The following ZNF628 variants were observed in gnomAD, a reference collection of about 807,000 sequenced individuals.
ZNF628 encodes zinc finger protein 628.
A neutral mutation model predicts 2.5 loss-of-function variants in ZNF628; 3 were observed. The observed-to-expected ratio is 1.19, with a 90% CI of 0.54 to 3.07. ZNF628 has a LOEUF of 3.07. ZNF628 is among the 30% of genes most tolerant of loss of function. ZNF628 has a pLI of 0.03. For missense variants in ZNF628, 1,610 were observed against 1,517.1 expected, an observed-to-expected ratio of 1.06 and a Z score of -1.02; for synonymous variants, 861 against 717.1, an observed-to-expected ratio of 1.20 and a Z score of -3.21.
chr19:55,477,292 C>G (rs2123406491), intron 1 of ZNF628, among the ~76,000 whole-genome samples: 2 of 151,718 alleles, frequency 1.3e-5, no homozygotes, highest in South Asian at 4.2e-4. Context: ...ACGGATATCT[C>G]TTTTAAGGAG....
rs1228787840 is a variant in ZNF628, at chr19:55,481,697, C to T, written c.504C>T (p.His168=). 1 of 1,612,458 alleles carries T rather than the reference C, an allele frequency of 6.2e-7. No homozygotes were observed. The highest frequency in any genetic ancestry group is 8.5e-7 in the Non-Finnish European group (1 of 1,179,464). The change falls in exon 3 of 3, where the codon CAC becomes CAT. Residue 168 remains histidine (H), a synonymous_variant. Transcript: ENST00000598519. ...CGTCCAGCCTGCGGCGCCACCGCCA[C>T]GTGCACACCGGCGAGCGGCCCTACA... is the stretch of plus-strand genomic sequence containing the variant. The part of the protein sequence containing the change: ...KNSSSLRRHR[H]VHTGERPYTC...
At position 55,482,395 on chromosome 19, in the gene ZNF628, T is replaced by G; in HGVS notation, c.1202T>G (p.Leu401Arg). The change falls in exon 3 of 3, where the codon CTC becomes CGC. Residue 401 changes from leucine (L) to arginine (R), a missense_variant. By Grantham distance (102) the Leu-to-Arg change is moderately radical. Coordinates refer to ENST00000598519, the MANE Select transcript of ZNF628 (RefSeq NM_033113.3). The stretch of plus-strand genomic sequence containing the variant: ...GGCTCCTTCCCGCAGCTGGCCAGCC[T>G]CCTGGCGCATCAGCAGTGCCACGTG... ...CDGSFPQLAS[L>R]LAHQQCHVEE... 7.1e-7 allele frequency: 1 copy of G among 1,407,998 alleles called. No individual in the cohort carries two copies. The highest frequency in any genetic ancestry group is 9.2e-7 in the Non-Finnish European group (1 of 1,084,444). 87.2% of individuals were successfully genotyped at this position (1,407,998 alleles called of 1,614,324 possible).
In ZNF628 at chr19:55,481,601, G is replaced by T. The variant is rs1285814078; in HGVS notation, c.408G>T (p.Gln136His). The T allele has an allele frequency of 8.7e-6, 14 of 1,609,232 alleles. No individual in the cohort carries two copies. The highest frequency in any genetic ancestry group is 1.2e-5 in the Non-Finnish European group (14 of 1,177,280). ...GLAFKWSSHY[Q>H]YHLRQHTGER... is the part of the protein sequence containing the mutation. ...CCTTCAAGTGGTCGTCCCACTACCA[G>T]TACCACTTAAGGCAGCACACAGGCG... The change falls in exon 3 of 3, where the codon CAG (glutamine) becomes CAT (histidine). Residue 136 changes from glutamine (Q) to histidine (H), a missense_variant. Coordinates refer to ENST00000598519, the MANE Select transcript of ZNF628 (RefSeq NM_033113.3).
In ZNF628 at chr19:55,484,124, C is replaced by A. The variant is rs1986841440; in HGVS notation, c.2931C>A (p.Ile977=). The change falls in exon 3 of 3, where the codon ATC becomes ATA. Residue 977 remains isoleucine (I), a synonymous_variant. Coordinates refer to ENST00000598519, the MANE Select transcript of ZNF628 (RefSeq NM_033113.3). The part of the protein sequence containing the change: ...TGPPGQKLLI[I]RSAPATELLD... ...CACCCGGACAGAAACTCCTCATCAT[C>A]CGCAGCGCCCCAGCCACTGAGCTGC... 6.3e-7 allele frequency: 1 copy of A among 1,588,716 alleles called. No individual in the cohort carries two copies. Among genetic ancestry groups the A allele is most frequent in the South Asian group, 1.2e-5 (1 of 86,944 alleles).
Position 55,483,457 on chromosome 19 carries a change from G to A in ZNF628, c.2264G>A (p.Gly755Asp). The change falls in exon 3 of 3, where the codon GGC (glycine) becomes GAC (aspartate). Residue 755 changes from glycine (G) to aspartate (D), a missense_variant. Transcript: ENST00000598519. The stretch of plus-strand genomic sequence containing the variant: ...TCCTCCAGTGCTGGGGCTGGGGGCG[G>A]CCGTGCAAGGCAGGGCCCGCGGGCA... ...LPSSSAGAGGGRARQGPRAVG... is the reference protein window; with the variant it reads ...LPSSSAGAGGDRARQGPRAVG... 6.6e-7 allele frequency: 1 copy of A among 1,509,094 alleles called. No homozygotes were observed. Among genetic ancestry groups the A allele is most frequent in the Non-Finnish European group, 8.8e-7 (1 of 1,131,714 alleles). 93.5% of individuals were successfully genotyped at this position (1,509,094 alleles called of 1,614,324 possible). A position where few individuals can be genotyped will look rare whatever the true frequency, so the allele number is the denominator to read the frequency against.
rs758382021 is a variant in ZNF628, at chr19:55,482,591, C to G, written c.1398C>G (p.Ser466=). The G allele has an allele frequency of 3.8e-5, 61 of 1,603,232 alleles. No homozygotes were observed. Among genetic ancestry groups the G allele is most frequent in the Non-Finnish European group, 5.1e-5 (60 of 1,177,040 alleles). The part of the protein sequence containing the change: ...CAECGKSFKG[S]SGLRYHLRDH... ...AGTGCGGCAAGTCCTTCAAGGGCTC[C>G]TCCGGGCTGCGCTACCACCTGCGGG... Residue 466 remains serine, a synonymous_variant, in exon 3 of 3, where the codon TCC becomes TCG. Coordinates refer to ENST00000598519, the MANE Select transcript of ZNF628 (RefSeq NM_033113.3).
intron 1 of ZNF628, among the ~76,000 whole-genome samples, chr19:55,477,325 C>T (rs1188612861): frequency 1.3e-5 from 2 of 150,986 alleles, no homozygotes; most frequent in Admixed American, 6.6e-5. Flanking sequence ...CTCAAAGGCA[C>T]GTGCAGCTTC....
At position 55,483,177 on chromosome 19, in the gene ZNF628, C is replaced by G; in HGVS notation, c.1984C>G (p.Pro662Ala). The change falls in exon 3 of 3, where the codon CCC (proline) becomes GCC (alanine). Residue 662 changes from proline to alanine, a missense_variant. This residue lies in a region of ZNF628 where 712 missense variants were observed against 603.6 expected (regional missense o/e 1.18). Transcript: ENST00000598519. ...STTAPAAGPQ[P>A]PAPLAAARAP... ...CACAGCCCCTGCCGCCGGCCCCCAG[C>G]CCCCTGCTCCACTGGCTGCTGCGCG... The G allele has an allele frequency of 5.2e-6, 8 of 1,548,314 alleles. No individual in the cohort carries two copies. The highest frequency in any genetic ancestry group is 6.9e-6 in the Non-Finnish European group (8 of 1,154,416).
rs767356947 is a variant in ZNF628 at position 55,482,968 on chromosome 19, G to A, written c.1775G>A (p.Arg592Gln). 6.2e-7 allele frequency: 1 copy of A among 1,610,728 alleles called. No individual in the cohort carries two copies. Among genetic ancestry groups the A allele is most frequent in the African/African-American group, 1.3e-5 (1 of 74,894 alleles). The stretch of plus-strand genomic sequence containing the variant: ...CACCAGCGCGTGCACACGGGCGAGC[G>A]GCCCTTCCGCTGCCCGCTCTGCCCC... ...RQHQRVHTGE[R>Q]PFRCPLCPKT... The change falls in exon 3 of 3, where the codon CGG (arginine) becomes CAG (glutamine). Residue 592 changes from arginine (R) to glutamine (Q), a missense_variant. Physicochemically the swap from Arg to Gln is conservative, Grantham distance 43. This residue lies in a region of ZNF628 where 21 missense variants were observed against 49.8 expected (regional missense o/e 0.42). Coordinates refer to ENST00000598519, the MANE Select transcript of ZNF628 (RefSeq NM_033113.3).
chr19:55,482,573 C>G lies in ZNF628; in HGVS notation c.1380C>G (p.Gly460=), dbSNP rs766056019. The G allele has an allele frequency of 1.3e-6, 2 of 1,579,402 alleles. No individual in the cohort carries two copies. The highest frequency in any genetic ancestry group is 1.7e-6 in the Non-Finnish European group (2 of 1,163,510). The change falls in exon 3 of 3, where the codon GGC becomes GGG. Residue 460 remains glycine (G), a synonymous_variant. Transcript: ENST00000598519. ...GGCCCTACAAATGTGCCGAGTGCGG[C>G]AAGTCCTTCAAGGGCTCCTCCGGGC... is the stretch of plus-strand genomic sequence containing the variant. The part of the protein sequence containing the change: ...AERPYKCAEC[G]KSFKGSSGLR...
At chr19:55,478,627 A>G (rs906195958) in intron 1 of ZNF628, among the ~76,000 whole-genome samples, 2 of 152,206 alleles carry the variant, frequency 1.3e-5, no homozygotes, top group Non-Finnish European at 2.9e-5. Flanking sequence ...CAGTTGCTGT[A>G]TTGGGAACAG....
Position 55,481,194 on chromosome 19 carries a change from C to T in ZNF628, c.8-7C>T. ...GGTGAGCCGCTGACCCAGAATCCCT[C>T]CCCCAGGTGTGATGGTCGGCTCCCA... On this transcript the variant is annotated splice_polypyrimidine_tract_variant and splice_region_variant and intron_variant, in intron 2 of 2. Transcript: ENST00000598519. 3 of 1,525,964 alleles carry T rather than the reference C, an allele frequency of 2.0e-6. No homozygotes were observed. The highest frequency in any genetic ancestry group is 2.4e-5 in the East Asian group (1 of 41,340). 94.5% of individuals were successfully genotyped at this position (1,525,964 alleles called of 1,614,324 possible). A position where few individuals can be genotyped will look rare whatever the true frequency, so the allele number is the denominator to read the frequency against.
At position 55,484,473 on chromosome 19, in the gene ZNF628, C is replaced by T. The variant is rs1375827600; in HGVS notation, c.*100C>T. ...GCAGGCTGGGCTTGCTAATAAAGAC[C>T]CGAGTCTCCCCGCCTGTGTTTTGTT... On this transcript the variant is annotated 3_prime_UTR_variant, in exon 3 of 3. Coordinates refer to ENST00000598519, the MANE Select transcript of ZNF628 (RefSeq NM_033113.3). 1.3e-5 allele frequency: 13 copies of T among 1,038,974 alleles called. No individual in the cohort carries two copies. The South Asian group carries it at 2.5e-4, about 20-fold the overall frequency. The allele number at this position is 1,038,974 out of a possible 1,614,324, so 64.4% of individuals were successfully genotyped here.
chr19:55,482,206 C>T lies in ZNF628; in HGVS notation c.1013C>T (p.Pro338Leu). 4.0e-6 allele frequency: 6 copies of T among 1,482,746 alleles called. No homozygotes were observed. The highest frequency in any genetic ancestry group is 5.3e-6 in the Non-Finnish European group (6 of 1,122,844). 91.8% of individuals were successfully genotyped at this position (1,482,746 alleles called of 1,614,324 possible). ...GCCGAGGCGCCCAAGGCCGACCAGC[C>T]ACCGTCCCCTCTGCCGCAGCCCCCT... ...APAEAPKADQ[P>L]PSPLPQPPPP... The change falls in exon 3 of 3, where the codon CCA becomes CTA. Residue 338 changes from proline (P) to leucine (L), a missense_variant. By Grantham distance (98) the Pro-to-Leu change is moderately conservative (BLOSUM62 -3). Coordinates refer to ENST00000598519, the MANE Select transcript of ZNF628 (RefSeq NM_033113.3).
At position 55,484,211 on chromosome 19, in the gene ZNF628, A is replaced by G. The variant is rs766896551; in HGVS notation, c.3018A>G (p.Ser1006=). 5.2e-6 allele frequency: 8 copies of G among 1,546,934 alleles called. No homozygotes were observed. Among genetic ancestry groups the G allele is most frequent in the South Asian group, 3.6e-5 (3 of 83,726 alleles). The stretch of plus-strand genomic sequence containing the variant: ...TGCAGCTCCTGGCCCCACCGCCGTC[A>G]GGCCCAGCCTCGGGCCCCGCGGGGC... ...ATLQLLAPPP[S]GPASGPAGLP... Residue 1006 remains serine, a synonymous_variant, in exon 3 of 3, where the codon TCA becomes TCG. Coordinates refer to ENST00000598519, the MANE Select transcript of ZNF628 (RefSeq NM_033113.3).
At position 55,484,277 on chromosome 19, in the gene ZNF628, C is replaced by T; in HGVS notation, c.3084C>T (p.Pro1028=). Residue 1028 remains proline (P), a synonymous_variant, in exon 3 of 3, where the codon CCC becomes CCT. Coordinates refer to ENST00000598519, the MANE Select transcript of ZNF628 (RefSeq NM_033113.3). Reference sequence around the variant, plus strand: ...CCTCCCAGATGGTGCAAGTGGTCCCCGCAGGAGCTGGGCCTGGTGTTATGA... The same window carrying T: ...CCTCCCAGATGGTGCAAGTGGTCCCTGCAGGAGCTGGGCCTGGTGTTATGA... ...APASQMVQVV[P]AGAGPGVMTP... The T allele has an allele frequency of 6.5e-7, 1 of 1,544,674 alleles. No individual in the cohort carries two copies. Among genetic ancestry groups the T allele is most frequent in the Non-Finnish European group, 8.7e-7 (1 of 1,143,952 alleles).
rs1349321009 is a variant in ZNF628, at chr19:55,483,187, C to T, written c.1994C>T (p.Pro665Leu). The change falls in exon 3 of 3, where the codon CCA becomes CTA. Residue 665 changes from proline to leucine, a missense_variant. Physicochemically the swap from Pro to Leu is moderately conservative, Grantham distance 98. Coordinates refer to ENST00000598519, the MANE Select transcript of ZNF628 (RefSeq NM_033113.3). ...APAAGPQPPA[P>L]LAAARAPPAT... The stretch of plus-strand genomic sequence containing the variant: ...GCCGCCGGCCCCCAGCCCCCTGCTC[C>T]ACTGGCTGCTGCGCGGGCCCCGCCA... 8 of 1,550,214 alleles carry T rather than the reference C, an allele frequency of 5.2e-6. No individual in the cohort carries two copies. Among genetic ancestry groups the T allele is most frequent in the Non-Finnish European group, 6.9e-6 (8 of 1,155,356 alleles).
intron 1 of ZNF628, among the ~76,000 whole-genome samples, 193 bp downstream of exon 1, chr19:55,477,000 C>T (rs1384856187): frequency 6.6e-6 from 1 of 152,198 alleles, no homozygotes; most frequent in Non-Finnish European, 1.5e-5. Flanking sequence ...GAGGGCGGGT[C>T]AGGCTTTGCA....
chr19:55,481,796 G>T lies in ZNF628; in HGVS notation c.603G>T (p.Glu201Asp). 6.2e-7 allele frequency: 1 copy of T among 1,605,348 alleles called. No homozygotes were observed. The highest frequency in any genetic ancestry group is 8.5e-7 in the Non-Finnish European group (1 of 1,176,600). The change falls in exon 3 of 3, where the codon GAG becomes GAT. Residue 201 changes from glutamate to aspartate, a missense_variant. Coordinates refer to ENST00000598519, the MANE Select transcript of ZNF628 (RefSeq NM_033113.3). ...AGCACCAGCGCGTGCACACGGGCGA[G>T]CGGCCCTTCCGCTGCCCGCTCTGCC... ...LRQHQRVHTG[E>D]RPFRCPLCPK... is the part of the protein sequence containing the mutation.
Sources: allele counts gnomAD v4.1 joint callset (sites outside exome capture counted in the v4.1 genomes callset), GRCh38; gene constraint gnomAD v4.1.1; regional missense constraint gnomAD v4.1.1; transcripts MANE v1.5; gene names NCBI Gene and HGNC (gene_info 2026-07-23, HGNC 2026-07-21).